The following FAM91A1 variants were observed in gnomAD, a reference collection of about 807,000 sequenced individuals.
FAM91A1 encodes family with sequence similarity 91 member A1, also known as protein FAM91A1.
In FAM91A1, 41 loss-of-function variants were observed where a neutral mutation model predicts 113.5. That is an observed-to-expected ratio of 0.36 (90% CI 0.28 to 0.47). FAM91A1 has a LOEUF of 0.47. Ranked by LOEUF, FAM91A1 falls within the 20% of genes least tolerant of loss-of-function variation. The pLI is 1.00. For missense variants in FAM91A1, 696 were observed against 1,001.2 expected (o/e 0.70, Z 4.11); for synonymous variants, 307 against 347.9 (o/e 0.88, Z 1.31).
chr8:123,808,975 T>C lies in FAM91A1; in HGVS notation c.2220T>C (p.Val740=). The C allele has an allele frequency of 1.2e-6, 2 of 1,613,192 alleles. No individual in the cohort carries two copies. The highest frequency in any genetic ancestry group is 1.3e-5 in the African/African-American group (1 of 74,998). ...TCAGTTCCGAATTAAACCGGAAAGT[T>C]TGTAGGAAAATTGCTGCACATGGCC... The part of the protein sequence containing the change: ...PLFSSELNRK[V]CRKIAAHGLC... Residue 740 remains valine (V), a synonymous_variant, in exon 22 of 24, where the codon GTT becomes GTC. Transcript: ENST00000334705.
chr8:123,806,421 G>A (rs555802036), intron 20 of FAM91A1, among the ~76,000 whole-genome samples, 192 bp downstream of exon 20: 2 of 152,260 alleles, frequency 1.3e-5, no homozygotes, highest in East Asian at 1.9e-4. Context: ...GAAGAAAATA[G>A]GATTGGGGTA....
rs1321165911 is a variant in FAM91A1 at position 123,808,333 on chromosome 8, C to A, written c.2094C>A (p.Val698=). 1.2e-6 allele frequency: 2 copies of A among 1,613,358 alleles called. No homozygotes were observed. The highest frequency in any genetic ancestry group is 2.7e-5 in the African/African-American group (2 of 74,876). The change falls in exon 21 of 24, where the codon GTC becomes GTA. Residue 698 remains valine, a synonymous_variant. Transcript: ENST00000334705. Reference sequence around the variant, plus strand: ...GGAGTACAGAGTCATTTGAAATGGTCATTGAGGAAGCAACTATAGATTCAG... The same window carrying A: ...GGAGTACAGAGTCATTTGAAATGGTAATTGAGGAAGCAACTATAGATTCAG... ...VNGSTESFEM[V]IEEATIDSAT...
chr8:123,809,142 A>C (rs116532689), intron 22 of FAM91A1, 126 bp downstream of exon 22: 1 of 1,315,376 alleles, frequency 7.6e-7, no homozygotes. Context: ...TGTTGATTGA[A>C]TAGAGATCGC....
intron 18 of FAM91A1, among the ~76,000 whole-genome samples, 193 bp downstream of exon 18, chr8:123,800,078 G>A (rs918575693): frequency 6.6e-6 from 1 of 152,112 alleles, no homozygotes; most frequent in South Asian, 2.1e-4. Flanking sequence ...GAACTTTGAA[G>A]TTAGACCCAG....
intron 15 of FAM91A1, among the ~76,000 whole-genome samples, chr8:123,796,461 CT>C (rs71289612): frequency 0.36 from 46,229 of 128,770 alleles, 9,810 homozygotes; most frequent in African/African-American, 0.66. Flanking sequence ...GAGTGAAGGG[CT>C]TTTTTTTTTT....
intron 15 of FAM91A1, among the ~76,000 whole-genome samples, chr8:123,790,758 G>A (rs1398596050): frequency 2.6e-5 from 4 of 152,096 alleles, no homozygotes; most frequent in African/African-American, 4.8e-5. Flanking sequence ...AGACTCACTT[G>A]GTATCAAGTG....
At chr8:123,802,519 C>T (rs190752536) in intron 18 of FAM91A1, among the ~76,000 whole-genome samples, 113 of 152,076 alleles carry the variant, frequency 7.4e-4, no homozygotes, top group Middle Eastern at 3.4e-3. Flanking sequence ...CTGGGGAACA[C>T]GGGAGGAAGA....
At chr8:123,802,157 A>G (rs1815701134) in intron 18 of FAM91A1, among the ~76,000 whole-genome samples, 1 of 152,072 alleles carries the variant, frequency 6.6e-6, no homozygotes, top group Non-Finnish European at 1.5e-5. Flanking sequence ...TGATATTGAG[A>G]ATGGGAGGGA....
At chr8:123,812,393 T>TGG in intron 23 of FAM91A1, 126 bp from the exon 24 acceptor site, 5 of 575,388 alleles carry the variant, frequency 8.7e-6, no homozygotes, top group East Asian at 3.3e-5. Flanking sequence ...GATCTTTGCA[T>TGG]CTCCTGTACT....
intron 8 of FAM91A1, among the ~76,000 whole-genome samples, chr8:123,784,203 A>G (rs1815195052): frequency 6.6e-6 from 1 of 152,142 alleles, no homozygotes; most frequent in Non-Finnish European, 1.5e-5. Context: ...AGTCCATGTC[A>G]TCCAGCATTT....
At chr8:123,796,450 G>C (rs1469656019) in intron 15 of FAM91A1, among the ~76,000 whole-genome samples, 1 of 147,318 alleles carries the variant, frequency 6.8e-6, no homozygotes, top group East Asian at 2.0e-4. Flanking sequence ...TAAAAGGTAG[G>C]GAGTGAAGGG....
Position 123,810,362 on chromosome 8 carries a change from C to T in FAM91A1, c.2331+11C>T. 6.2e-7 allele frequency: 1 copy of T among 1,611,640 alleles called. No individual in the cohort carries two copies. Among genetic ancestry groups the T allele is most frequent in the Non-Finnish European group, 8.5e-7 (1 of 1,178,404 alleles). On this transcript the variant is annotated intron_variant, in intron 23 of 23. Transcript: ENST00000334705. ...GTTCACTCATTCCAGGTAACAAAAA[C>T]CAAAAAGTCCAAATGGTACTTGTAC...
At position 123,798,199 on chromosome 8, in the gene FAM91A1, C is replaced by T. The variant is rs577080634; in HGVS notation, c.1521C>T (p.Leu507=). Residue 507 remains leucine (L), a synonymous_variant, in exon 16 of 24, where the codon CTC becomes CTT. Transcript: ENST00000334705. Reference sequence around the variant, plus strand: ...CGCTGCTTGTTTCCATGGCTCCCCTCACCAATGAAATCCGGCCTGTCAGCA... The same window carrying T: ...CGCTGCTTGTTTCCATGGCTCCCCTTACCAATGAAATCCGGCCTGTCAGCA... ...NYTLLVSMAP[L]TNEIRPVSSC... is the part of the protein sequence containing the mutation. 24 of 1,614,106 alleles carry T rather than the reference C, an allele frequency of 1.5e-5. No individual in the cohort carries two copies. The East Asian group carries it at 2.2e-4, about 15-fold the overall frequency.
chr8:123,805,365 CTTTT>C (rs71576705), intron 19 of FAM91A1, 26 bp downstream of exon 19: 6 of 1,257,224 alleles, frequency 4.8e-6, no homozygotes, highest in Non-Finnish European at 6.5e-6. Flanking sequence ...TATCTATTGA[CTTTT>C]TTTTTTTTTT....
In FAM91A1 at chr8:123,805,319, A is replaced by G; in HGVS notation, c.1862A>G (p.Asp621Gly). The G allele has an allele frequency of 6.2e-7, 1 of 1,611,832 alleles. No homozygotes were observed. The highest frequency in any genetic ancestry group is 8.5e-7 in the Non-Finnish European group (1 of 1,179,194). The change falls in exon 19 of 24, where the codon GAT (aspartate) becomes GGT (glycine). Residue 621 changes from aspartate (D) to glycine (G), a missense_variant. Physicochemically the swap from Asp to Gly is moderately conservative, Grantham distance 94. Transcript: ENST00000334705. ...ACTGTCCATGTCCCATTTCCATTTG[A>G]TGAAACAGAACTACAAGGAGGTACC... ...GETVHVPFPF[D>G]ETELQGEFTR... is the part of the protein sequence containing the mutation.
chr8:123,786,343 A>G (rs1815256723), intron 11 of FAM91A1, 152 bp from the exon 12 acceptor site: 1 of 616,928 alleles, frequency 1.6e-6, no homozygotes, highest in African/African-American at 1.8e-5. Context: ...GTATGTAGGC[A>G]GAGCATTTTT....
At chr8:123,788,815 T>TCAC (rs1190820148) in intron 14 of FAM91A1, among the ~76,000 whole-genome samples, 1 of 152,212 alleles carries the variant, frequency 6.6e-6, no homozygotes, top group East Asian at 1.9e-4. Context: ...TTCTTTTTCA[T>TCAC]CACAAAGTCA....
intron 23 of FAM91A1, 125 bp from the exon 24 acceptor site, chr8:123,812,394 C>T: frequency 2.4e-4 from 140 of 582,094 alleles, no homozygotes; most frequent in South Asian, 1.5e-3. Flanking sequence ...ATCTTTGCAT[C>T]TCCTGTACTG....
chr8:123,788,083 T>C (rs893842775), intron 14 of FAM91A1: 7 of 654,396 alleles, frequency 1.1e-5, no homozygotes, highest in Non-Finnish European at 1.3e-5. Flanking sequence ...TTTTCTGGTA[T>C]GACTCTCTAA....
Sources: gnomAD v4.1 joint callset for allele counts (sites outside exome capture counted in the v4.1 genomes callset) on GRCh38, gnomAD v4.1.1 for gene constraint, MANE v1.5 for transcripts, NCBI Gene and HGNC (gene_info 2026-07-23, HGNC 2026-07-21) for gene names.